Variants in CCDC33 observed in about 807,000 individuals in gnomAD.
The protein encoded by CCDC33 is coiled-coil domain-containing protein 33.
A neutral mutation model predicts 91.9 loss-of-function variants in CCDC33; 94 were observed. The ratio of observed to expected loss-of-function variants is 1.02; its 90% confidence interval spans 0.87 to 1.21. CCDC33 has a LOEUF of 1.21. CCDC33 is among the 50% of genes most tolerant of loss of function. CCDC33 has a pLI of 0.00. For synonymous variants in CCDC33, 396 were observed against 374.5 expected (o/e 1.06, Z -0.66); for missense variants, 940 against 935.5 (o/e 1.00, Z -0.06).
At chr15:74,208,737 CT>C in intron 1 of CCDC33, 1 of 988,134 alleles carries the variant, frequency 1.0e-6, no homozygotes, top group African/African-American at 1.7e-5. Flanking sequence ...CCCCATGTGC[CT>C]TCTCGCTGTT....
At chr15:74,255,409 G>A (rs2075831013) in intron 2 of CCDC33, among the ~76,000 whole-genome samples, 1 of 152,254 alleles carries the variant, frequency 6.6e-6, no homozygotes, top group Admixed American at 6.5e-5. Flanking sequence ...ATGCTCAGGA[G>A]GCCCTGGGGT....
At chr15:74,274,837 G>A (rs1046437371) in intron 7 of CCDC33, among the ~76,000 whole-genome samples, 2 of 152,234 alleles carry the variant, frequency 1.3e-5, no homozygotes, top group Non-Finnish European at 2.9e-5. Flanking sequence ...GCATGTGTGG[G>A]ACCCGGTCCA....
chr15:74,209,655 C>T, intron 2 of CCDC33: 1 of 567,770 alleles, frequency 1.8e-6, no homozygotes, highest in Non-Finnish European at 3.1e-6. Flanking sequence ...TACATGCCTG[C>T]AACCTCCAAC....
At chr15:74,321,593 G>T (rs2060208413) in intron 11 of CCDC33, among the ~76,000 whole-genome samples, 1 of 152,042 alleles carries the variant, frequency 6.6e-6, no homozygotes. Context: ...TAGAGAGGGG[G>T]TTTCACTGTG....
chr15:74,269,921 A>ACAGAACAGG (rs940306394), intron 5 of CCDC33, among the ~76,000 whole-genome samples: 19 of 151,750 alleles, frequency 1.3e-4, no homozygotes, highest in Admixed American at 2.0e-4. Flanking sequence ...CAGAGTCCAC[A>ACAGAACAGG]CAGAACAGGT....
rs536650508 is a variant in CCDC33, at chr15:74,238,085, G to A, written c.21+1345G>A. ...AGATGTTGCAGTGAGCCGAGATCAC[G>A]CCACTGCCCTCCAGCCTGGGCAACA... On this transcript the variant is annotated intron_variant, in intron 1 of 18. Transcript: ENST00000398814. Among the ~76,000 whole-genome samples, 9 of 150,016 alleles carry A rather than the reference G, an allele frequency of 6.0e-5. No homozygotes were observed. The South Asian group carries it at 1.3e-3, about 21-fold the overall frequency.
chr15:74,256,757 C>G (rs1448610118), intron 2 of CCDC33, among the ~76,000 whole-genome samples: 1 of 152,234 alleles, frequency 6.6e-6, no homozygotes, highest in Admixed American at 6.5e-5. Context: ...AAATCCCCTT[C>G]CCAGAAGAGG....
intron 11 of CCDC33, chr15:74,304,233 G>A (rs1403422571): frequency 6.6e-6 from 1 of 152,172 alleles, no homozygotes; most frequent in East Asian, 1.9e-4. Flanking sequence ...AGAGAATGAG[G>A]GGCAATGTGT....
intron 11 of CCDC33, among the ~76,000 whole-genome samples, chr15:74,324,323 G>A (rs1194913551): frequency 6.6e-6 from 1 of 151,866 alleles, no homozygotes; most frequent in South Asian, 2.1e-4. Context: ...GAAGTATCCC[G>A]CTGTATGGGT....
chr15:74,219,612 T>A (rs427165), intron 2 of CCDC33, among the ~76,000 whole-genome samples: 43,052 of 151,740 alleles, frequency 0.28, 6,659 homozygotes, highest in Middle Eastern at 0.43. Context: ...GGCAGGAGAG[T>A]TCTGGTGAGG....
chr15:74,335,984 CAGCTCAGACTCTA>C lies in CCDC33; in HGVS notation c.2206_2218del (p.Asp736ThrfsTer4). On this transcript the variant is annotated frameshift_variant, in exon 19 of 19. Coordinates refer to ENST00000398814, the MANE Select transcript of CCDC33 (RefSeq NM_025055.5). LOFTEE classifies it low-confidence loss of function (END_TRUNC). ...CCTCAGAGCTGGAGCCCCTGCTGCC[CAGCTCAGACTCTA>C]AGCTCAACAAGCCCTTGAGCCCCCA... 6.2e-7 allele frequency: 1 copy of C among 1,613,976 alleles called. No individual in the cohort carries two copies.
intron 11 of CCDC33, among the ~76,000 whole-genome samples, chr15:74,322,181 C>T (rs1288539847): frequency 6.6e-6 from 1 of 152,194 alleles, no homozygotes; most frequent in African/African-American, 2.4e-5. Context: ...CAAACTACCC[C>T]AAAATGTTAT....
At position 74,218,783 on chromosome 15, in the gene CCDC33, A is replaced by T; in HGVS notation, c.597A>T (p.Pro199=). The T allele has an allele frequency of 7.8e-7, 1 of 1,288,536 alleles. No individual in the cohort carries two copies. Among genetic ancestry groups the T allele is most frequent in the African/African-American group, 1.5e-5 (1 of 65,968 alleles). 79.8% of individuals were successfully genotyped at this position (1,288,536 alleles called of 1,614,324 possible). A position where few individuals can be genotyped will look rare whatever the true frequency, so the allele number is the denominator to read the frequency against. Residue 199 remains proline (P), a synonymous_variant, in exon 2 of 3, where the codon CCA becomes CCT. Transcript: ENST00000635913. This position sits in a 1 kb window ranked among gnomAD's most constrained non-coding sequence, Gnocchi z 4.8. ...ACGTCCACCGGGGCCCTCAGCCTCC[A>T]GTCTCAGACAGCCCTCCCAGGGCTG... is the stretch of plus-strand genomic sequence containing the variant.
At chr15:74,323,266 T>C (rs2060241899) in intron 11 of CCDC33, among the ~76,000 whole-genome samples, 2 of 152,024 alleles carry the variant, frequency 1.3e-5, no homozygotes, top group Non-Finnish European at 2.9e-5. Context: ...CTAAGCCTTC[T>C]CTCCTTTTTC....
intron 11 of CCDC33, among the ~76,000 whole-genome samples, chr15:74,329,115 T>C (rs2060372513): frequency 6.6e-6 from 1 of 152,206 alleles, no homozygotes; most frequent in Non-Finnish European, 1.5e-5. Flanking sequence ...CAGTAGGGAA[T>C]TTCTGCTTAT....
rs1260167274 is a variant in CCDC33, at chr15:74,280,691, C to T, written c.913C>T (p.Leu305Phe). 8 of 1,524,704 alleles carry T rather than the reference C, an allele frequency of 5.2e-6. No homozygotes were observed. The highest frequency in any genetic ancestry group is 6.2e-6 in the Non-Finnish European group (7 of 1,135,396). The allele number at this position is 1,524,704 out of a possible 1,614,324, so 94.4% of individuals were successfully genotyped here. A position where few individuals can be genotyped will look rare whatever the true frequency, so the allele number is the denominator to read the frequency against. Residue 305 changes from leucine to phenylalanine, a missense_variant, in exon 9 of 19, where the codon CTC becomes TTC. Coordinates refer to ENST00000398814, the MANE Select transcript of CCDC33 (RefSeq NM_025055.5). ...TSMKGSQPWTLNQPLGISVLP... is the reference protein window; with the variant it reads ...TSMKGSQPWTFNQPLGISVLP... ...AGTGAAAGGCAGCCAGCCGTGGACC[C>T]TCAACCAGCCCCTGGGCATCTCTGT...
chr15:74,330,395 C>A, intron 12 of CCDC33, 41 bp downstream of exon 12: 1 of 1,515,056 alleles, frequency 6.6e-7, no homozygotes, highest in South Asian at 1.3e-5. Context: ...GGGCTTCTGC[C>A]TGGGCCCAGG....
chr15:74,272,221 G>T (rs544316817), intron 6 of CCDC33, among the ~76,000 whole-genome samples: 1 of 152,090 alleles, frequency 6.6e-6, no homozygotes, highest in Non-Finnish European at 1.5e-5. Context: ...AGGGCCACAG[G>T]CTCCAGCCAG....
intron 1 of CCDC33, among the ~76,000 whole-genome samples, chr15:74,207,165 C>T (rs1202884190): frequency 2.0e-5 from 3 of 152,176 alleles, no homozygotes; most frequent in African/African-American, 4.8e-5. Flanking sequence ...TGCATTTCTG[C>T]GGGAGCCTGT....
Sources: allele counts gnomAD v4.1 joint callset (sites outside exome capture counted in the v4.1 genomes callset), GRCh38; gene constraint gnomAD v4.1.1; non-coding constraint Gnocchi (gnomAD v3.1); transcripts MANE v1.5; gene names NCBI Gene and HGNC (gene_info 2026-07-23, HGNC 2026-07-21).